The following DTNBP1 variants were observed in gnomAD, a reference collection of about 807,000 sequenced individuals.
DTNBP1 encodes dystrobrevin binding protein 1.
Under a neutral mutation model 42.8 loss-of-function variants are expected in DTNBP1, and 35 were observed. The observed-to-expected ratio is 0.82, with a 90% CI of 0.63 to 1.09. DTNBP1 has a LOEUF of 1.09. Ranked by LOEUF, DTNBP1 falls within the 50% of genes least tolerant of loss-of-function variation. The pLI is 0.00. For missense variants in DTNBP1, 457 were observed against 424.2 expected (o/e 1.08, Z -0.68); for synonymous variants, 171 against 162.2 (o/e 1.05, Z -0.41).
chr6:15,612,709 C>T (rs575276233), intron 6 of DTNBP1, among the ~76,000 whole-genome samples: 14 of 152,284 alleles, frequency 9.2e-5, no homozygotes, highest in East Asian at 1.9e-4. Context: ...ATTTCACACA[C>T]GAGAAAACCA....
chr6:15,593,011 C>A, intron 7 of DTNBP1, 48 bp downstream of exon 7: 1 of 1,537,886 alleles, frequency 6.5e-7, no homozygotes, highest in Non-Finnish European at 8.9e-7. Flanking sequence ...ACATCTGATA[C>A]CAATGAACTC....
intron 7 of DTNBP1, among the ~76,000 whole-genome samples, chr6:15,564,139 T>C (rs1436935374): frequency 1.3e-5 from 2 of 151,424 alleles, no homozygotes; most frequent in Non-Finnish European, 2.9e-5. Flanking sequence ...TCCCATCTCC[T>C]CATTTAGCGG....
At chr6:15,524,277 A>G (rs779775296) in intron 9 of DTNBP1, 37 of 1,607,642 alleles carry the variant, frequency 2.3e-5, no homozygotes, top group South Asian at 5.5e-5. Flanking sequence ...CAAACAAGAA[A>G]GCTCTCAACT....
At chr6:15,523,617 C>T (rs574652018) in intron 9 of DTNBP1, 38 of 1,285,872 alleles carry the variant, frequency 3.0e-5, no homozygotes, top group East Asian at 2.8e-4. Flanking sequence ...CTGAGAAAGT[C>T]GGAATTACTG....
At chr6:15,662,535 C>T (rs190906727) in intron 1 of DTNBP1, among the ~76,000 whole-genome samples, 5 of 152,332 alleles carry the variant, frequency 3.3e-5, no homozygotes, top group Admixed American at 3.3e-4. Context: ...GAAAGGACCG[C>T]AGGGTCCCAC....
At chr6:15,528,158 CAAG>C (rs926176705) in intron 8 of DTNBP1, among the ~76,000 whole-genome samples, 1 of 152,182 alleles carries the variant, frequency 6.6e-6, no homozygotes, top group Non-Finnish European at 1.5e-5. Flanking sequence ...GACAAGACCC[CAAG>C]AAGAGTCATG....
At chr6:15,655,004 T>C (rs565662669) in intron 1 of DTNBP1, among the ~76,000 whole-genome samples, 2 of 152,340 alleles carry the variant, frequency 1.3e-5, no homozygotes, top group South Asian at 4.1e-4. Flanking sequence ...AGATTTACAT[T>C]ATAAATAAAG....
chr6:15,605,626 A>T (rs1758003465), intron 6 of DTNBP1, among the ~76,000 whole-genome samples: 1 of 152,202 alleles, frequency 6.6e-6, no homozygotes, highest in African/African-American at 2.4e-5. Context: ...CTGACCCTCA[A>T]ATCTCAAGCC....
At chr6:15,631,285 A>G (rs1028433081) in intron 4 of DTNBP1, among the ~76,000 whole-genome samples, 1 of 152,232 alleles carries the variant, frequency 6.6e-6, no homozygotes, top group Non-Finnish European at 1.5e-5. Context: ...GCAAAGCAAC[A>G]TAAGTACTTT....
At chr6:15,604,887 G>A (rs573027043) in intron 6 of DTNBP1, among the ~76,000 whole-genome samples, 27 of 152,252 alleles carry the variant, frequency 1.8e-4, no homozygotes, top group African/African-American at 5.8e-4. Flanking sequence ...AGGCAGCAGC[G>A]ACCACCACTT....
chr6:15,633,779 G>A lies in DTNBP1; in HGVS notation c.222+3965C>T, dbSNP rs1046273919. 2.6e-5 allele frequency among the ~76,000 whole-genome samples: 4 copies of A among 151,792 alleles called. No individual in the cohort carries two copies. The East Asian group carries it at 5.8e-4, about 22-fold the overall frequency. On this transcript the variant is annotated intron_variant, in intron 4 of 9. Coordinates refer to ENST00000344537, the MANE Select transcript of DTNBP1 (RefSeq NM_032122.5). ...TCAGTAACCACCACCCTGATCAGTC[G>A]GCAGCTATAAACATTAAAAAAAAAC...
chr6:15,577,342 A>G (rs1200678189), intron 7 of DTNBP1, among the ~76,000 whole-genome samples: 1 of 152,142 alleles, frequency 6.6e-6, no homozygotes, highest in Non-Finnish European at 1.5e-5. Flanking sequence ...CTCTCTCTGG[A>G]GGGTAAGTGC....
At chr6:15,595,143 C>G (rs1269517624) in intron 6 of DTNBP1, 1 of 455,902 alleles carries the variant, frequency 2.2e-6, no homozygotes. Context: ...TTCCAGGAAA[C>G]TTCCCTTCAG....
At chr6:15,542,067 A>C (rs2056942) in intron 7 of DTNBP1, among the ~76,000 whole-genome samples, 125,085 of 152,042 alleles carry the variant, frequency 0.82, 51,851 homozygotes, top group East Asian at 1. Flanking sequence ...ATTGTTCATT[A>C]GAGATAAATA....
At chr6:15,565,018 A>C (rs1775006609) in intron 7 of DTNBP1, among the ~76,000 whole-genome samples, 2 of 152,136 alleles carry the variant, frequency 1.3e-5, no homozygotes, top group South Asian at 4.1e-4. Flanking sequence ...AGGTCGGGGG[A>C]TCACTTGAGC....
chr6:15,601,871 A>G (rs1380018747), intron 6 of DTNBP1, among the ~76,000 whole-genome samples: 1 of 151,786 alleles, frequency 6.6e-6, no homozygotes, highest in Non-Finnish European at 1.5e-5. Context: ...AAAGAAAAAA[A>G]AAAAAAGGGT....
At chr6:15,627,292 C>T in intron 5 of DTNBP1, 51 bp downstream of exon 5, 1 of 1,605,384 alleles carries the variant, frequency 6.2e-7, no homozygotes, top group Non-Finnish European at 8.5e-7. Flanking sequence ...AAACCCTGCC[C>T]AAGTTGTTTT....
chr6:15,586,312 A>G (rs1032149208), intron 7 of DTNBP1, among the ~76,000 whole-genome samples: 2 of 152,144 alleles, frequency 1.3e-5, no homozygotes, highest in Non-Finnish European at 2.9e-5. Flanking sequence ...AATGTGCTAT[A>G]TATTTTTAAT....
chr6:15,569,842 C>T (rs910482269), intron 7 of DTNBP1, among the ~76,000 whole-genome samples: 10 of 152,162 alleles, frequency 6.6e-5, no homozygotes, highest in Admixed American at 6.5e-5. Context: ...ATAGTCACCA[C>T]GTCAGGTAGT....
Sources: allele counts gnomAD v4.1 joint callset (sites outside exome capture counted in the v4.1 genomes callset), GRCh38; gene constraint gnomAD v4.1.1; transcripts MANE v1.5; gene names NCBI Gene and HGNC (gene_info 2026-07-23, HGNC 2026-07-21).